The following KCNAB2 variants were observed in gnomAD, a reference collection of about 807,000 sequenced individuals.
The protein encoded by KCNAB2 is potassium voltage-gated channel subfamily A regulatory beta subunit 2.
A neutral mutation model predicts 63.6 loss-of-function variants in KCNAB2; 29 were observed. That is an observed-to-expected ratio of 0.46 (90% CI 0.34 to 0.62). The LOEUF (loss-of-function observed/expected upper bound fraction) is 0.62. Among genes scored for constraint, KCNAB2 ranks in the 20% least tolerant of loss-of-function variants. KCNAB2 has a pLI of 0.01. For missense variants in KCNAB2, 359 were observed against 563.9 expected (o/e 0.64, Z 3.68); for synonymous variants, 222 against 224.2 (o/e 0.99, Z 0.09).
upstream of KCNAB2, chr1:6,041,694 G>A: frequency 2.8e-6 from 2 of 722,666 alleles, no homozygotes; most frequent in Non-Finnish European, 4.8e-6. Context: ...GCCCTGAGCA[G>A]GCGACTGGTG....
At chr1:6,052,042 C>T (rs1661440400) in intron 2 of KCNAB2, among the ~76,000 whole-genome samples, 1 of 152,220 alleles carries the variant, frequency 6.6e-6, no homozygotes, top group East Asian at 1.9e-4. Flanking sequence ...GCAGAGATTG[C>T]AGTGATCCAA....
At chr1:6,040,051 C>T (rs1055892622) in intron 1 of KCNAB2, among the ~76,000 whole-genome samples, 9 of 152,214 alleles carry the variant, frequency 5.9e-5, no homozygotes, top group African/African-American at 2.2e-4. Flanking sequence ...TCAATGGCAG[C>T]ACCAGGAAGC....
chr1:5,993,326 C>T (rs935334660), intron 1 of KCNAB2, among the ~76,000 whole-genome samples: 2 of 151,826 alleles, frequency 1.3e-5, no homozygotes, highest in African/African-American at 4.8e-5. Context: ...CCAGCCCCTC[C>T]GACCTCTCCC....
upstream of KCNAB2, among the ~76,000 whole-genome samples, chr1:6,032,905 A>G (rs879550951): frequency 1.3e-5 from 2 of 152,244 alleles, no homozygotes; most frequent in South Asian, 2.1e-4. Flanking sequence ...AAAAACAAAA[A>G]TGAAAAATAT....
In KCNAB2 at chr1:5,998,547, C is replaced by G. The variant is rs190096683; in HGVS notation, c.-53+5759C>G. Among the ~76,000 whole-genome samples, 766 of 152,188 alleles carry G rather than the reference C, an allele frequency of 5.0e-3. 9 individuals are homozygous for G. Among genetic ancestry groups the G allele is most frequent in the African/African-American group, 0.017 (716 of 41,512 alleles). ...GTCACCTGGGGGTAGTGCCAAGGGTCGCCAAGGGTACGGGTTTGAGAGGGA... is the reference window on the plus strand; with the variant it reads ...GTCACCTGGGGGTAGTGCCAAGGGTGGCCAAGGGTACGGGTTTGAGAGGGA... On this transcript the variant is annotated intron_variant, in intron 1 of 16. Transcript: ENST00000341524.
upstream of KCNAB2, among the ~76,000 whole-genome samples, chr1:6,029,538 C>T (rs574382453): frequency 6.6e-6 from 1 of 152,316 alleles, no homozygotes; most frequent in African/African-American, 2.4e-5. Flanking sequence ...CACACCCAGA[C>T]CTGGGGCCAG....
At chr1:6,052,362 G>T (rs1324627831) in intron 2 of KCNAB2, among the ~76,000 whole-genome samples, 4 of 151,704 alleles carry the variant, frequency 2.6e-5, no homozygotes, top group African/African-American at 9.7e-5. Context: ...AGAATCTGAT[G>T]CTGCAGTGAG....
At chr1:6,088,976 G>C in intron 7 of KCNAB2, 32 bp from the exon 8 acceptor site, 2 of 1,547,444 alleles carry the variant, frequency 1.3e-6, no homozygotes, top group Non-Finnish European at 1.7e-6. Context: ...AAAACCGCTG[G>C]TGACATCACA....
At position 6,000,847 on chromosome 1, in the gene KCNAB2, A is replaced by T. The variant is rs535961564; in HGVS notation, c.-53+8059A>T. Among the ~76,000 whole-genome samples, 18 of 152,214 alleles carry T rather than the reference A, an allele frequency of 1.2e-4. No individual in the cohort carries two copies. In the East Asian group the frequency reaches 2.5e-3, roughly 21 times the overall value. On this transcript the variant is annotated intron_variant, in intron 1 of 16. Coordinates refer to the KCNAB2 transcript ENST00000341524. ...TCACTTGCTCCTCATTAACTCATGA[A>T]TCGGGAGCCAGGATAAGGTCGCTGC...
At chr1:6,011,500 G>A (rs563490341) in intron 1 of KCNAB2, among the ~76,000 whole-genome samples, 1 of 152,352 alleles carries the variant, frequency 6.6e-6, no homozygotes, top group African/African-American at 2.4e-5. Context: ...AGGAGAGGCA[G>A]GCAGATGTGC....
At chr1:6,088,557 C>T (rs557531431) in intron 7 of KCNAB2, among the ~76,000 whole-genome samples, 1 of 151,856 alleles carries the variant, frequency 6.6e-6, no homozygotes, top group East Asian at 1.9e-4. Context: ...ATTAATTTGT[C>T]CTTTTTTAAG....
intron 2 of KCNAB2, among the ~76,000 whole-genome samples, chr1:6,061,013 G>A (rs1036131610): frequency 2.0e-5 from 3 of 152,044 alleles, no homozygotes; most frequent in African/African-American, 7.2e-5. Flanking sequence ...CTGCGAGCCT[G>A]TTGCCATTGT....
Position 6,094,455 on chromosome 1 carries a change from C to G in KCNAB2, c.702C>G (p.Gly234=). ...VINQGMAMYW[G]TSRWSSMEIM... ...ACCAGGGGATGGCCATGTACTGGGG[C>G]ACGTCACGCTGGAGCTCCATGGAGA... is the stretch of plus-strand genomic sequence containing the variant. The change falls in exon 11 of 16, where the codon GGC becomes GGG. Residue 234 remains glycine, a synonymous_variant. Transcript: ENST00000378083. 6.2e-7 allele frequency: 1 copy of G among 1,611,866 alleles called. No individual in the cohort carries two copies. The highest frequency in any genetic ancestry group is 8.5e-7 in the Non-Finnish European group (1 of 1,179,474).
chr1:6,056,745 A>G (rs1661863855), intron 2 of KCNAB2, among the ~76,000 whole-genome samples: 2 of 152,114 alleles, frequency 1.3e-5, no homozygotes, highest in Admixed American at 1.3e-4. Flanking sequence ...CCCAAAGGGG[A>G]ACTCATTCCA....
intron 1 of KCNAB2, among the ~76,000 whole-genome samples, chr1:6,017,183 G>A (rs1350157435): frequency 6.6e-6 from 1 of 152,188 alleles, no homozygotes; most frequent in African/African-American, 2.4e-5. Flanking sequence ...GAGCAGAGGT[G>A]TAGATTCTGC....
chr1:6,056,657 C>G (rs1031818161), intron 2 of KCNAB2, among the ~76,000 whole-genome samples: 2 of 152,216 alleles, frequency 1.3e-5, no homozygotes, highest in African/African-American at 4.8e-5. Context: ...GTGGCCCTAG[C>G]CTGCCTCCTT....
At chr1:6,065,651 C>T (rs556142124) in intron 2 of KCNAB2, among the ~76,000 whole-genome samples, 33 of 152,306 alleles carry the variant, frequency 2.2e-4, no homozygotes, top group African/African-American at 7.5e-4. Flanking sequence ...GCTCATCACC[C>T]GTCACTCATC....
intron 15 of KCNAB2, chr1:6,098,014 G>A: frequency 4.6e-6 from 1 of 217,600 alleles, no homozygotes; most frequent in Non-Finnish European, 8.0e-6. Context: ...CGGGAGTGGT[G>A]GTTGGATCCT....
intron 1 of KCNAB2, among the ~76,000 whole-genome samples, chr1:6,039,041 G>GAGGGAACT (rs1355567339): frequency 2.7e-4 from 41 of 152,360 alleles, no homozygotes; most frequent in Non-Finnish European, 1.9e-4. Context: ...CCCCCCCAGA[G>GAGGGAACT]AGGGAACTGG....
Sources: gnomAD v4.1 joint callset for allele counts (sites outside exome capture counted in the v4.1 genomes callset) on GRCh38, gnomAD v4.1.1 for gene constraint, MANE v1.5 for transcripts, NCBI Gene and HGNC (gene_info 2026-07-23, HGNC 2026-07-21) for gene names.